ARSF: variants seen among roughly 807,000 people sequenced by gnomAD.
ARSF encodes arylsulfatase F.
In ARSF, 33 loss-of-function variants were observed where a neutral mutation model predicts 35.4. The observed-to-expected ratio is 0.93, with a 90% CI of 0.71 to 1.25. The LOEUF is 1.25. Ranked by LOEUF, ARSF falls within the 50% of genes most tolerant of loss-of-function variation. The pLI is 0.00. For synonymous variants in ARSF, 222 were observed against 193.1 expected, an observed-to-expected ratio of 1.15 and a Z score of -1.24; for missense variants, 501 against 480.2, an observed-to-expected ratio of 1.04 and a Z score of -0.40.
At position 3,102,323 on chromosome X, in the gene ARSF, T is replaced by G. The variant is rs766443469; in HGVS notation, c.1102+1102T>G. ...AAGTCACCAGAGCCCATTATATGAT[T>G]CTTATGCCTTTGCATTCTTGTAGCT... On this transcript the variant is annotated intron_variant, in intron 8 of 10. Transcript: ENST00000381127. Among the ~76,000 whole-genome samples the G allele has an allele frequency of 3.6e-5, 4 of 112,063 alleles. No homozygotes were observed. In the South Asian group the frequency reaches 1.5e-3, roughly 42 times the overall value.
chrX:3,080,315 A>C (rs1392404603), intron 4 of ARSF, among the ~76,000 whole-genome samples: 1 of 108,766 alleles, frequency 9.2e-6, no homozygotes, highest in Non-Finnish European at 1.9e-5. Flanking sequence ...CTGTACTAAA[A>C]ATACAAAAAT....
At position 3,112,317 on chromosome X, in the gene ARSF, G is replaced by C; in HGVS notation, c.1534G>C (p.Asp512His). 8.3e-7 allele frequency: 1 copy of C among 1,210,602 alleles called. No individual in the cohort carries two copies. Residue 512 changes from aspartate (D) to histidine (H), a missense_variant, in exon 11 of 11, where the codon GAC becomes CAC. Coordinates refer to ENST00000381127, the MANE Select transcript of ARSF (RefSeq NM_001201539.2). ...CCCTCTGCTCTTCGATCTCTCCAGGGACCCCTCAGAGTCCACACCCCTGAC... is the reference window on the plus strand; with the variant it reads ...CCCTCTGCTCTTCGATCTCTCCAGGCACCCCTCAGAGTCCACACCCCTGAC... ...NPPLLFDLSR[D>H]PSESTPLTPA...
chrX:3,098,757 C>G (rs1216413904), intron 7 of ARSF, among the ~76,000 whole-genome samples: 1 of 111,254 alleles, frequency 9.0e-6, no homozygotes, highest in African/African-American at 3.3e-5. Flanking sequence ...CAGTATGTAA[C>G]AATTTTTTTT....
intron 1 of ARSF, among the ~76,000 whole-genome samples, chrX:3,066,047 A>G (rs2090064605): frequency 9.0e-6 from 1 of 111,720 alleles, no homozygotes; most frequent in Admixed American, 9.6e-5. Flanking sequence ...TGTGATCACC[A>G]TAATTTTACT....
intron 6 of ARSF, among the ~76,000 whole-genome samples, chrX:3,085,430 A>G (rs1165426340): frequency 9.2e-6 from 1 of 108,621 alleles, no homozygotes; most frequent in African/African-American, 3.3e-5. Context: ...CTGTTGTTAA[A>G]AAACAAAAAA....
In ARSF at chrX:3,070,456, T is replaced by G. The variant is rs184811725; in HGVS notation, c.12-1570T>G. Among the ~76,000 whole-genome samples the G allele has an allele frequency of 1.2e-3, 136 of 110,730 alleles. 1 individual carries two copies. The highest frequency in any genetic ancestry group is 4.2e-3 in the African/African-American group (127 of 30,460). On this transcript the variant is annotated intron_variant, in intron 2 of 10. Coordinates refer to ENST00000381127, the MANE Select transcript of ARSF (RefSeq NM_001201539.2). ...TAGAGACTCATTTAAGTCCCTTAAATGAGGTTAAGTCCCTGGAAGAGGGAG... is the reference window on the plus strand; with the variant it reads ...TAGAGACTCATTTAAGTCCCTTAAAGGAGGTTAAGTCCCTGGAAGAGGGAG...
At chrX:3,041,299 C>CTTTTTTT (rs35885735), upstream of ARSF, among the ~76,000 whole-genome samples, 2 of 87,425 alleles carry the variant, frequency 2.3e-5, no homozygotes, top group African/African-American at 4.4e-5. Context: ...TTTTCTTTTT[C>CTTTTTTT]TTTTTTTTTT....
intron 7 of ARSF, among the ~76,000 whole-genome samples, chrX:3,092,882 A>G (rs1378228327): frequency 8.9e-6 from 1 of 112,313 alleles, no homozygotes; most frequent in African/African-American, 3.2e-5. Flanking sequence ...TTTTATAATT[A>G]TCATAGGTGG....
chrX:3,040,703 T>C (rs1208034950), upstream of ARSF, among the ~76,000 whole-genome samples: 5 of 110,788 alleles, frequency 4.5e-5, no homozygotes, highest in Admixed American at 1.9e-4. Flanking sequence ...GATTGACTCC[T>C]GCCATGATGT....
chrX:3,080,204 A>G (rs986557315), intron 4 of ARSF, among the ~76,000 whole-genome samples: 9 of 88,276 alleles, frequency 1.0e-4, no homozygotes, highest in Non-Finnish European at 1.1e-4. Flanking sequence ...GGCTGAGTGC[A>G]GTGGCTCATG....
At chrX:3,077,597 C>T (rs1209150553) in intron 4 of ARSF, among the ~76,000 whole-genome samples, 3 of 108,248 alleles carry the variant, frequency 2.8e-5, no homozygotes, top group Non-Finnish European at 5.7e-5. Context: ...CAAGATTGTG[C>T]CACTGCATTC....
intron 10 of ARSF, among the ~76,000 whole-genome samples, chrX:3,111,827 C>T (rs976518220): frequency 9.1e-6 from 1 of 109,308 alleles, no homozygotes; most frequent in African/African-American, 3.3e-5. Flanking sequence ...GACAGATCAT[C>T]AGGCATTAGA....
Position 3,089,600 on chromosome X carries a change from G to A in ARSF, c.935G>A (p.Gly312Glu). 8.3e-7 allele frequency: 1 copy of A among 1,211,047 alleles called. No homozygotes were observed. Among genetic ancestry groups the A allele is most frequent in the Non-Finnish European group, 1.1e-6 (1 of 895,151 alleles). Residue 312 changes from glycine to glutamate, a missense_variant, in exon 7 of 11, where the codon GGG becomes GAG. Physicochemically the swap from Gly to Glu is moderately conservative, Grantham distance 98. Transcript: ENST00000381127. ...FTGTSKHGLY[G>E]DNVEEMDSMV... is the part of the protein sequence containing the mutation. ...GGCACCAGCAAGCATGGCTTGTATG[G>A]GGATAATGTGGAAGAGATGGACTCC...
intron 5 of ARSF, among the ~76,000 whole-genome samples, chrX:3,083,481 CCTATCTATCTATCTATCTATCTAT>C (rs746160970): frequency 1.1e-5 from 1 of 93,481 alleles, no homozygotes; most frequent in African/African-American, 3.9e-5. Flanking sequence ...TCTCCTCTAT[CCTATCTATCTATCTATCTATCTAT>C]CTATCTATCT....
intron 1 of ARSF, among the ~76,000 whole-genome samples, chrX:3,067,758 C>G (rs1311604192): frequency 9.2e-6 from 1 of 109,255 alleles, no homozygotes; most frequent in Non-Finnish European, 1.9e-5. Context: ...ACTCAGGAGG[C>G]TGAGGCAGGA....
chrX:3,069,697 C>CT (rs199779878), intron 2 of ARSF, among the ~76,000 whole-genome samples: 3,078 of 108,706 alleles, frequency 0.028, 38 homozygotes, highest in Middle Eastern at 0.07. Context: ...TTTTTTCTTT[C>CT]TTTTTAAATT....
intron 7 of ARSF, among the ~76,000 whole-genome samples, chrX:3,091,098 A>G (rs1476171549): frequency 9.0e-6 from 1 of 111,143 alleles, no homozygotes; most frequent in Non-Finnish European, 1.9e-5. Flanking sequence ...TATTTTTTGT[A>G]GAGGCAAGGT....
intron 1 of ARSF, among the ~76,000 whole-genome samples, chrX:3,062,836 C>T (rs946349593): frequency 9.0e-6 from 1 of 111,392 alleles, no homozygotes; most frequent in African/African-American, 3.3e-5. Flanking sequence ...AAAAAAAGTC[C>T]AGGACCAGAT....
intron 1 of ARSF, among the ~76,000 whole-genome samples, chrX:3,061,804 A>C (rs1271248660): frequency 9.0e-6 from 1 of 111,676 alleles, no homozygotes; most frequent in African/African-American, 3.3e-5. Context: ...TCATAAAGGG[A>C]GTCCTTAGAG....
Sources: gnomAD v4.1 joint callset for allele counts (sites outside exome capture counted in the v4.1 genomes callset) on GRCh38, gnomAD v4.1.1 for gene constraint, MANE v1.5 for transcripts, NCBI Gene and HGNC (gene_info 2026-07-23, HGNC 2026-07-21) for gene names.